Variants in SORCS1 observed in about 807,000 individuals in gnomAD.
The protein encoded by SORCS1 is sortilin related VPS10 domain containing receptor 1.
SORCS1 carries 60 observed loss-of-function variants against 146.1 expected under a neutral mutation model. That is an observed-to-expected ratio of 0.41 (90% CI 0.33 to 0.51). The LOEUF is 0.51. Ranked by LOEUF, SORCS1 falls within the 20% of genes least tolerant of loss-of-function variation. The pLI, the probability that SORCS1 is intolerant of heterozygous loss-of-function variation, is 0.21. For synonymous variants in SORCS1, 637 were observed against 584.0 expected (o/e 1.09, Z -1.31); for missense variants, 1,352 against 1,487.6 (o/e 0.91, Z 1.50).
chr10:106,793,043 C>G (rs951165641), intron 3 of SORCS1, among the ~76,000 whole-genome samples: 1 of 152,006 alleles, frequency 6.6e-6, no homozygotes, highest in South Asian at 2.1e-4. Flanking sequence ...GTGCTTAAGA[C>G]TTGGGATTAA....
At chr10:107,070,308 G>A (rs1179957098) in intron 1 of SORCS1, among the ~76,000 whole-genome samples, 1 of 151,894 alleles carries the variant, frequency 6.6e-6, no homozygotes, top group Non-Finnish European at 1.5e-5. Context: ...TCAGCTCTTT[G>A]GTGTACATAG....
intron 2 of SORCS1, among the ~76,000 whole-genome samples, chr10:106,901,577 G>A (rs561365331): frequency 6.6e-6 from 1 of 152,100 alleles, no homozygotes; most frequent in Non-Finnish European, 1.5e-5. Context: ...GAGACTAAAG[G>A]CATGTGCCAC....
chr10:107,082,260 G>A lies in SORCS1; in HGVS notation c.558+81709C>T, dbSNP rs149480803. ...TCTGAGGTGAAAATGAAATGGCCTCGAATGTTTGGAACTTTACTTTTCCTA... is the reference window on the plus strand; with the variant it reads ...TCTGAGGTGAAAATGAAATGGCCTCAAATGTTTGGAACTTTACTTTTCCTA... On this transcript the variant is annotated intron_variant, in intron 1 of 25. Transcript: ENST00000263054. 9.2e-3 allele frequency among the ~76,000 whole-genome samples: 1,398 copies of A among 152,262 alleles called. 19 individuals carry two copies. The highest frequency in any genetic ancestry group is 0.01 in the Non-Finnish European group (688 of 68,016).
Position 106,976,169 on chromosome 10 carries a change from C to G in SORCS1, c.559-19589G>C, listed in dbSNP as rs1270714300. Among the ~76,000 whole-genome samples, 8 of 147,844 alleles carry G rather than the reference C, an allele frequency of 5.4e-5. No homozygotes were observed. The East Asian group carries it at 1.2e-3, about 22-fold the overall frequency. On this transcript the variant is annotated intron_variant, in intron 1 of 25. Transcript: ENST00000263054. ...AAAAAAAGCCATCTCCTCCATGAAG[C>G]CTTCCCAACCTCTTTTGACAGGGAA...
intron 3 of SORCS1, among the ~76,000 whole-genome samples, chr10:106,812,518 A>G (rs758017053): frequency 6.6e-6 from 1 of 152,162 alleles, no homozygotes; most frequent in Non-Finnish European, 1.5e-5. Flanking sequence ...GTTCCAATTT[A>G]GGTCTAGTTG....
chr10:107,114,724 T>C (rs2134482072), intron 1 of SORCS1, among the ~76,000 whole-genome samples: 1 of 152,274 alleles, frequency 6.6e-6, no homozygotes, highest in Middle Eastern at 3.4e-3. Context: ...TCATCACTTC[T>C]ACTCAACATA....
At chr10:106,617,777 A>G (rs1234764056) in intron 21 of SORCS1, among the ~76,000 whole-genome samples, 1 of 145,922 alleles carries the variant, frequency 6.9e-6, no homozygotes, top group Non-Finnish European at 1.5e-5. Context: ...ATTAGTCAAG[A>G]ATTTTAAAGT....
At chr10:106,782,342 A>G (rs759636800) in intron 3 of SORCS1, among the ~76,000 whole-genome samples, 5 of 152,148 alleles carry the variant, frequency 3.3e-5, no homozygotes, top group Non-Finnish European at 5.9e-5. Context: ...CACAGCCTCA[A>G]ACTCCTGGGC....
intron 24 of SORCS1, among the ~76,000 whole-genome samples, chr10:106,591,722 T>A (rs1386766901): frequency 6.6e-6 from 1 of 152,160 alleles, no homozygotes; most frequent in Non-Finnish European, 1.5e-5. Flanking sequence ...ATGGTCATGA[T>A]CATCAACATC....
At chr10:106,795,322 C>G (rs967583463) in intron 3 of SORCS1, among the ~76,000 whole-genome samples, 1 of 151,790 alleles carries the variant, frequency 6.6e-6, no homozygotes, top group Non-Finnish European at 1.5e-5. Flanking sequence ...CAGGAAGCTT[C>G]TAGAGAACTA....
At chr10:106,587,711 A>C (rs1019145908) in intron 24 of SORCS1, among the ~76,000 whole-genome samples, 2 of 152,238 alleles carry the variant, frequency 1.3e-5, no homozygotes, top group Non-Finnish European at 2.9e-5. Flanking sequence ...CCAAGATAAC[A>C]CAAGATAACA....
chr10:106,897,133 G>A (rs894748490), intron 2 of SORCS1, among the ~76,000 whole-genome samples: 1 of 151,556 alleles, frequency 6.6e-6, no homozygotes, highest in African/African-American at 2.4e-5. Flanking sequence ...CGCCCACCTC[G>A]GCCTCCCAAA....
chr10:106,763,059 G>C (rs1279035851), intron 4 of SORCS1, among the ~76,000 whole-genome samples: 1 of 152,074 alleles, frequency 6.6e-6, no homozygotes, highest in African/African-American at 2.4e-5. Context: ...TCATACCATT[G>C]TGGTGTGCCT....
In SORCS1 at chr10:106,620,554, C is replaced by T. The variant is rs376838924; in HGVS notation, c.2670G>A (p.Leu890=). 1 of 1,613,770 alleles carries T rather than the reference C, an allele frequency of 6.2e-7. No homozygotes were observed. The change falls in exon 20 of 26, where the codon TTG becomes TTA. Residue 890 remains leucine, a synonymous_variant. Coordinates refer to ENST00000263054, the MANE Select transcript of SORCS1 (RefSeq NM_052918.5). ...AGGGAAGAGACAGGTGCACGTGCTC[C>T]AAGGGACCTGAGGCACAAGAGAAAG... ...AVLYLHVTCP[L]EHVHLSLPFV... is the part of the protein sequence containing the mutation.
Position 106,867,432 on chromosome 10 carries a change from C to T in SORCS1, c.627-37759G>A, listed in dbSNP as rs549868312. ...CCCAAGTAGCTGGGATTACAGGCAC[C>T]CACCACCACGCCCGGCTAATTTCTG... On this transcript the variant is annotated intron_variant, in intron 2 of 25. Coordinates refer to ENST00000263054, the MANE Select transcript of SORCS1 (RefSeq NM_052918.5). Among the ~76,000 whole-genome samples the T allele has an allele frequency of 1.6e-3, 242 of 151,984 alleles. 1 individual carries two copies. Among genetic ancestry groups the T allele is most frequent in the African/African-American group, 5.0e-3 (208 of 41,454 alleles).
At chr10:106,671,125 G>T in intron 16 of SORCS1, 112 bp downstream of exon 16, 2 of 1,406,502 alleles carry the variant, frequency 1.4e-6, no homozygotes, top group East Asian at 2.3e-5. Flanking sequence ...AGAATATGAA[G>T]CTGGCCACTT....
At chr10:106,951,507 G>A (rs560569816) in intron 2 of SORCS1, among the ~76,000 whole-genome samples, 92 of 120,336 alleles carry the variant, frequency 7.6e-4, no homozygotes, top group Middle Eastern at 5.4e-3. Flanking sequence ...GCAAGACTCC[G>A]TCTCTGAAAA....
At chr10:106,655,943 T>G (rs922021644) in intron 17 of SORCS1, among the ~76,000 whole-genome samples, 1 of 152,198 alleles carries the variant, frequency 6.6e-6, no homozygotes, top group African/African-American at 2.4e-5. Context: ...CAAGGCAACT[T>G]ATGATTATGT....
intron 10 of SORCS1, among the ~76,000 whole-genome samples, chr10:106,680,640 A>G (rs1852366861): frequency 6.6e-6 from 1 of 152,356 alleles, no homozygotes; most frequent in South Asian, 2.1e-4. Flanking sequence ...AGAAAAAAGG[A>G]TAATAAATCT....
Sources: allele counts gnomAD v4.1 joint callset (sites outside exome capture counted in the v4.1 genomes callset), GRCh38; gene constraint gnomAD v4.1.1; transcripts MANE v1.5; gene names NCBI Gene and HGNC (gene_info 2026-07-23, HGNC 2026-07-21).